DGKB: variants seen among roughly 807,000 people sequenced by gnomAD.
The protein encoded by DGKB is diacylglycerol kinase beta, also known as 90 kDa diacylglycerol kinase.
Under a neutral mutation model 114.3 loss-of-function variants are expected in DGKB, and 67 were observed. The observed-to-expected ratio is 0.59, with a 90% CI of 0.48 to 0.72. DGKB has a LOEUF of 0.72. Ranked by LOEUF, DGKB falls within the 30% of genes least tolerant of loss-of-function variation. The probability of loss-of-function intolerance (pLI) is 0.00; values close to 1 mark genes in which losing one functional copy is unlikely to be tolerated. For synonymous variants in DGKB, 398 were observed against 323.1 expected (o/e 1.23, Z -2.49); for missense variants, 907 against 975.2 (o/e 0.93, Z 0.93).
At chr7:14,972,482 TTCTC>T (rs989871300) in intron 1 of DGKB, among the ~76,000 whole-genome samples, 5 of 152,156 alleles carry the variant, frequency 3.3e-5, no homozygotes, top group Non-Finnish European at 7.4e-5. Context: ...ACTTGCTATC[TTCTC>T]TTTCTGTCTT....
intron 13 of DGKB, among the ~76,000 whole-genome samples, chr7:14,652,499 T>G (rs1474453869): frequency 6.6e-6 from 1 of 151,798 alleles, no homozygotes; most frequent in African/African-American, 2.4e-5. Flanking sequence ...AAAAATCAAT[T>G]CAAGATGGAT....
Position 14,621,465 on chromosome 7 carries a change from C to A in DGKB, c.1197G>T (p.Lys399Asn), listed in dbSNP as rs1206117395. 1.9e-6 allele frequency: 3 copies of A among 1,608,426 alleles called. No homozygotes were observed. The highest frequency in any genetic ancestry group is 2.7e-5 in the African/African-American group (2 of 74,762). Residue 399 changes from lysine to asparagine, a missense_variant, in exon 15 of 26, where the codon AAG (lysine) becomes AAT (asparagine). By Grantham distance (94) the Lys-to-Asn change is moderately conservative (BLOSUM62 0). Around this residue, in one of 3 missense-constraint regions of DGKB, gnomAD observed 814 missense variants for 856.6 expected, o/e 0.95. Coordinates refer to ENST00000402815, the MANE Select transcript of DGKB (RefSeq NM_001350709.2). Reference sequence around the variant, plus strand: ...CTTTGTTTGGCTGCTGGGAACCACTCTTTTCCTTTTTCACTGTTGATTGTC... The same window carrying A: ...CTTTGTTTGGCTGCTGGGAACCACTATTTTCCTTTTTCACTGTTGATTGTC... ...EERQSTVKKE[K>N]SGSQQPNKVI...
chr7:14,553,758 T>C (rs1795446322), intron 20 of DGKB, among the ~76,000 whole-genome samples: 1 of 152,116 alleles, frequency 6.6e-6, no homozygotes, highest in African/African-American at 2.4e-5. Flanking sequence ...TAAGAAGTTT[T>C]ATTTCTCTCT....
At chr7:14,654,615 T>C (rs1467516975) in intron 13 of DGKB, among the ~76,000 whole-genome samples, 1 of 151,996 alleles carries the variant, frequency 6.6e-6, no homozygotes, top group African/African-American at 2.4e-5. Flanking sequence ...TAACACTATG[T>C]GACTTCCAAG....
chr7:14,815,479 A>G (rs1291495391), intron 2 of DGKB, among the ~76,000 whole-genome samples: 1 of 152,250 alleles, frequency 6.6e-6, no homozygotes, highest in Non-Finnish European at 1.5e-5. Context: ...AAGATGAGAT[A>G]CAGGTTGCCC....
intron 1 of DGKB, among the ~76,000 whole-genome samples, chr7:14,861,298 ATTTT>A (rs985008447): frequency 6.6e-6 from 1 of 150,436 alleles, no homozygotes; most frequent in African/African-American, 2.5e-5. Context: ...TACTACATAG[ATTTT>A]TTGAGTATAA....
intron 21 of DGKB, among the ~76,000 whole-genome samples, chr7:14,372,661 T>C (rs1487623131): frequency 6.6e-6 from 1 of 152,082 alleles, no homozygotes; most frequent in African/African-American, 2.4e-5. Context: ...AAGTGATTAG[T>C]TACTAAATAT....
At chr7:14,370,610 G>A (rs1490829740) in intron 21 of DGKB, among the ~76,000 whole-genome samples, 1 of 152,048 alleles carries the variant, frequency 6.6e-6, no homozygotes, top group Non-Finnish European at 1.5e-5. Context: ...TTGAGCAGTA[G>A]TTTGTAATTA....
Position 14,583,050 on chromosome 7 carries a change from A to G in DGKB, c.1519+2T>C. The G allele has an allele frequency of 6.3e-7, 1 of 1,596,580 alleles. No individual in the cohort carries two copies. Among genetic ancestry groups the G allele is most frequent in the Middle Eastern group, 1.7e-4 (1 of 6,042 alleles). ...GCCATATTAAGTATGTGTCTGCATT[A>G]CCTATGCAATCCAAAACCCAGCCCA... On this transcript the variant is annotated splice_donor_variant, in intron 18 of 25. Transcript: ENST00000402815. LOFTEE classifies it high-confidence loss of function.
chr7:14,574,354 A>G lies in DGKB; in HGVS notation c.1628T>C (p.Leu543Pro), dbSNP rs762605791. ...RWGGGYEGEN[L>P]MKILKDIENS... ...TTCAATGTCTTTTAGAATTTTCATC[A>G]GATTCTCACCTTCGTAACCTAGTGG... is the stretch of plus-strand genomic sequence containing the variant. The change falls in exon 20 of 26, where the codon CTG becomes CCG. Residue 543 changes from leucine (L) to proline (P), a missense_variant. By Grantham distance (98) the Leu-to-Pro change is moderately conservative (BLOSUM62 -3). Transcript: ENST00000402815. 7 of 1,612,220 alleles carry G rather than the reference A, an allele frequency of 4.3e-6. No homozygotes were observed. Among genetic ancestry groups the G allele is most frequent in the East Asian group, 2.2e-5 (1 of 44,790 alleles).
intron 20 of DGKB, among the ~76,000 whole-genome samples, chr7:14,523,291 G>T (rs961267656): frequency 6.6e-6 from 1 of 152,164 alleles, no homozygotes; most frequent in Non-Finnish European, 1.5e-5. Context: ...GCATCATGGA[G>T]ACCACCTATG....
intron 2 of DGKB, among the ~76,000 whole-genome samples, chr7:14,761,569 T>C (rs1240480122): frequency 6.6e-6 from 1 of 152,226 alleles, no homozygotes; most frequent in African/African-American, 2.4e-5. Context: ...GATCTATAAC[T>C]AGGCCTGACC....
At chr7:14,476,820 T>A (rs1782245964) in intron 21 of DGKB, among the ~76,000 whole-genome samples, 1 of 149,920 alleles carries the variant, frequency 6.7e-6, no homozygotes, top group Non-Finnish European at 1.5e-5. Context: ...AATGGTGCAA[T>A]CTCAGCTCAC....
intron 1 of DGKB, among the ~76,000 whole-genome samples, chr7:14,863,058 G>C (rs1435324288): frequency 6.6e-6 from 1 of 151,772 alleles, no homozygotes; most frequent in African/African-American, 2.4e-5. Context: ...TCATGGTGGA[G>C]GGCTGAAATT....
intron 1 of DGKB, among the ~76,000 whole-genome samples, chr7:14,959,875 TAA>T (rs1007434090): frequency 1.4e-4 from 21 of 152,196 alleles, no homozygotes; most frequent in African/African-American, 4.8e-4. Flanking sequence ...TAAAAATATC[TAA>T]ATATGTACAC....
At chr7:14,394,135 A>G (rs768444732) in intron 21 of DGKB, among the ~76,000 whole-genome samples, 11 of 152,144 alleles carry the variant, frequency 7.2e-5, no homozygotes, top group Non-Finnish European at 1.2e-4. Context: ...CAAGGTTCCA[A>G]TTTTCTCTTT....
chr7:14,406,067 G>A (rs2128735543), intron 21 of DGKB, among the ~76,000 whole-genome samples: 1 of 152,134 alleles, frequency 6.6e-6, no homozygotes, highest in East Asian at 1.9e-4. Flanking sequence ...TTCAAGAGAA[G>A]TTGGATCCAA....
intron 1 of DGKB, among the ~76,000 whole-genome samples, chr7:14,865,628 G>A (rs1178780235): frequency 6.6e-6 from 1 of 152,042 alleles, no homozygotes; most frequent in Admixed American, 6.6e-5. Context: ...CTGTATCTTG[G>A]CTGAACTTTG....
At chr7:14,436,733 T>C (rs1219274449) in intron 21 of DGKB, among the ~76,000 whole-genome samples, 1 of 151,962 alleles carries the variant, frequency 6.6e-6, no homozygotes, top group East Asian at 1.9e-4. Flanking sequence ...GAGGTACACA[T>C]GTTTCTACCA....
Sources: gnomAD v4.1 joint callset for allele counts (sites outside exome capture counted in the v4.1 genomes callset) on GRCh38, gnomAD v4.1.1 for gene constraint, gnomAD v4.1.1 regional missense constraint, MANE v1.5 for transcripts, NCBI Gene and HGNC (gene_info 2026-07-23, HGNC 2026-07-21) for gene names.